Variants in CPA6 observed in about 807,000 individuals in gnomAD.
The protein encoded by CPA6 is carboxypeptidase B.
In CPA6, 58 loss-of-function variants were observed where a neutral mutation model predicts 63.3. The observed-to-expected ratio is 0.92, with a 90% confidence interval of 0.74 to 1.14. The LOEUF (loss-of-function observed/expected upper bound fraction) is 1.14. CPA6 is among the 50% of genes most tolerant of loss of function. CPA6 has a pLI of 0.00. For synonymous variants in CPA6, 185 were observed against 179.0 expected (o/e 1.03, Z -0.27); for missense variants, 565 against 526.6 (o/e 1.07, Z -0.71).
At chr8:67,495,753 T>C (rs1811698014) in intron 6 of CPA6, among the ~76,000 whole-genome samples, 1 of 152,144 alleles carries the variant, frequency 6.6e-6, no homozygotes, top group African/African-American at 2.4e-5. Flanking sequence ...AGAGGTGTGA[T>C]CACAGCTCAT....
At chr8:67,494,236 A>C (rs895403899) in intron 6 of CPA6, among the ~76,000 whole-genome samples, 4 of 152,064 alleles carry the variant, frequency 2.6e-5, no homozygotes, top group African/African-American at 9.7e-5. Context: ...ACATGTCATG[A>C]AGGGTTTTCT....
intron 2 of CPA6, among the ~76,000 whole-genome samples, chr8:67,568,666 C>T (rs1213758599): frequency 2.6e-5 from 4 of 152,134 alleles, no homozygotes; most frequent in Admixed American, 1.3e-4. Context: ...ATGGGAATTA[C>T]GTGACACCAT....
At chr8:67,642,112 AG>A (rs1346289516) in intron 1 of CPA6, among the ~76,000 whole-genome samples, 1 of 152,192 alleles carries the variant, frequency 6.6e-6, no homozygotes, top group Non-Finnish European at 1.5e-5. Context: ...ACCTGAGGTC[AG>A]GAGCTTGAGA....
At chr8:67,435,628 ATG>A (rs754016707) in intron 8 of CPA6, among the ~76,000 whole-genome samples, 9,162 of 148,926 alleles carry the variant, frequency 0.062, 902 homozygotes, top group African/African-American at 0.21. Context: ...GTGTGCGTGC[ATG>A]TGTGTGTGTG....
rs1286906820 is a variant in CPA6, at chr8:67,448,663, C to T, written c.839-14423G>A. On this transcript the variant is annotated intron_variant, in intron 8 of 10. Coordinates refer to ENST00000297770, the MANE Select transcript of CPA6 (RefSeq NM_020361.5). Reference sequence around the variant, plus strand: ...GGAAAAAAAAAAAAAAAGGAAAGAACGAAAAAGAAAAAAAAAGAAAGAAAA... The same window carrying T: ...GGAAAAAAAAAAAAAAAGGAAAGAATGAAAAAGAAAAAAAAAGAAAGAAAA... 1.9e-4 allele frequency among the ~76,000 whole-genome samples: 10 copies of T among 53,334 alleles called. 1 individual carries two copies. The highest frequency in any genetic ancestry group is 4.5e-4 in the East Asian group (1 of 2,202). The allele number at this position is 53,334 out of a possible 152,430, so 35.0% of individuals were successfully genotyped here.
intron 2 of CPA6, among the ~76,000 whole-genome samples, chr8:67,536,521 G>A (rs1812588184): frequency 6.6e-6 from 1 of 152,158 alleles, no homozygotes; most frequent in Non-Finnish European, 1.5e-5. Context: ...GTATAGGAAT[G>A]CTTGTGATTT....
intron 5 of CPA6, 93 bp from the exon 6 acceptor site, chr8:67,506,981 A>C (rs183445136): frequency 2.2e-6 from 2 of 901,468 alleles, no homozygotes; most frequent in Admixed American, 3.8e-5. Flanking sequence ...TCTTCACTGT[A>C]GTGTGGTTCA....
intron 8 of CPA6, among the ~76,000 whole-genome samples, chr8:67,450,315 G>A (rs895423675): frequency 2.0e-5 from 3 of 152,086 alleles, no homozygotes; most frequent in African/African-American, 7.2e-5. Flanking sequence ...CTCTATTGAC[G>A]TTTCCTTAGA....
At chr8:67,558,680 G>A (rs569853684) in intron 2 of CPA6, among the ~76,000 whole-genome samples, 25 of 152,126 alleles carry the variant, frequency 1.6e-4, no homozygotes, top group African/African-American at 5.8e-4. Context: ...GCTAAGCATA[G>A]TTTTGCTGGA....
chr8:67,551,515 G>A (rs1812938297), intron 2 of CPA6, among the ~76,000 whole-genome samples: 1 of 152,054 alleles, frequency 6.6e-6, no homozygotes, highest in South Asian at 2.1e-4. Flanking sequence ...CTCTTTTATG[G>A]TTCTATATAA....
At chr8:67,525,301 G>A (rs1812338526) in intron 2 of CPA6, among the ~76,000 whole-genome samples, 1 of 152,102 alleles carries the variant, frequency 6.6e-6, no homozygotes, top group Non-Finnish European at 1.5e-5. Flanking sequence ...TAAAGCTCTA[G>A]TTGTTTTGTC....
At chr8:67,662,911 C>T (rs1816149084) in intron 1 of CPA6, among the ~76,000 whole-genome samples, 1 of 152,108 alleles carries the variant, frequency 6.6e-6, no homozygotes, top group Admixed American at 6.5e-5. Context: ...CTGAATCACA[C>T]TGAGGTGAGG....
chr8:67,715,363 C>T (rs76534177), intron 1 of CPA6, among the ~76,000 whole-genome samples: 8 of 152,190 alleles, frequency 5.3e-5, no homozygotes, highest in East Asian at 1.9e-4. Context: ...ATGCCACTCA[C>T]GAAGTCACTT....
chr8:67,610,380 GA>G (rs919330153), intron 2 of CPA6, among the ~76,000 whole-genome samples: 12 of 143,868 alleles, frequency 8.3e-5, no homozygotes, highest in South Asian at 4.4e-4. Flanking sequence ...TTCTCTTTGA[GA>G]AAAAAAAAAG....
intron 1 of CPA6, among the ~76,000 whole-genome samples, chr8:67,737,777 A>G (rs1015717113): frequency 1.3e-5 from 2 of 152,052 alleles, no homozygotes; most frequent in Non-Finnish European, 2.9e-5. Flanking sequence ...ATCCCCAATG[A>G]CTCTAGAGAA....
intron 1 of CPA6, among the ~76,000 whole-genome samples, chr8:67,678,362 T>C (rs1816523868): frequency 6.6e-6 from 1 of 152,102 alleles, no homozygotes; most frequent in African/African-American, 2.4e-5. Flanking sequence ...AAATTATAAT[T>C]ACAATTATAT....
At chr8:67,698,565 G>A (rs1045539971) in intron 1 of CPA6, among the ~76,000 whole-genome samples, 1 of 152,168 alleles carries the variant, frequency 6.6e-6, no homozygotes, top group Non-Finnish European at 1.5e-5. Flanking sequence ...TTATCTTCTA[G>A]TTTTCTGTTT....
At chr8:67,550,400 T>C (rs536523396) in intron 2 of CPA6, among the ~76,000 whole-genome samples, 2 of 152,350 alleles carry the variant, frequency 1.3e-5, no homozygotes, top group Non-Finnish European at 2.9e-5. Context: ...TGCATAGTAT[T>C]CCATGGTATA....
At chr8:67,642,641 A>G (rs1161748462) in intron 1 of CPA6, among the ~76,000 whole-genome samples, 1 of 152,204 alleles carries the variant, frequency 6.6e-6, no homozygotes, top group African/African-American at 2.4e-5. Context: ...AGGGTAGTCC[A>G]ATATATCAGA....
Sources: gnomAD v4.1 joint callset for allele counts (sites outside exome capture counted in the v4.1 genomes callset) on GRCh38, gnomAD v4.1.1 for gene constraint, MANE v1.5 for transcripts, NCBI Gene and HGNC (gene_info 2026-07-23, HGNC 2026-07-21) for gene names.